Variants in SNAPIN observed in about 807,000 individuals in gnomAD.
SNAPIN encodes the protein SNARE-associated protein Snapin.
Under a neutral mutation model 15.9 loss-of-function variants are expected in SNAPIN, and 16 were observed. The observed-to-expected ratio is 1.01, with a 90% CI of 0.68 to 1.53. The LOEUF (loss-of-function observed/expected upper bound fraction) is 1.53. Ranked by LOEUF, SNAPIN falls within the 40% of genes most tolerant of loss-of-function variation. The pLI is 0.00. For synonymous variants in SNAPIN, 83 were observed against 76.2 expected, an observed-to-expected ratio of 1.09 and a Z score of -0.46; for missense variants, 186 against 180.1, an observed-to-expected ratio of 1.03 and a Z score of -0.19.
In SNAPIN at chr1:153,659,175, C is replaced by G; in HGVS notation, c.181C>G (p.Leu61Val). Residue 61 changes from leucine to valine, a missense_variant, in exon 2 of 4, where the codon CTA (leucine) becomes GTA (valine). Coordinates refer to ENST00000368685, the MANE Select transcript of SNAPIN (RefSeq NM_012437.6). The part of the protein sequence containing the change: ...QVELREQIDN[L>V]ATELCRINED... ...AGAGCTCCGGGAACAAATTGACAAC[C>G]TAGCCACAGGTGAGTGAGCATCCCT... 11 of 1,614,024 alleles carry G rather than the reference C, an allele frequency of 6.8e-6. No individual in the cohort carries two copies. Among genetic ancestry groups the G allele is most frequent in the Non-Finnish European group, 9.3e-6 (11 of 1,179,980 alleles).
chr1:153,658,748 C>T lies in SNAPIN; in HGVS notation c.5C>T (p.Ala2Val), dbSNP rs755911292. 4 of 1,559,734 alleles carry T rather than the reference C, an allele frequency of 2.6e-6. No individual in the cohort carries two copies. The highest frequency in any genetic ancestry group is 2.8e-5 in the African/African-American group (2 of 71,868). ...CGGGCTTCAGGACAATTCGTGATGG[C>T]GGGGGCTGGTTCCGCCGCTGTATCG... M[A>V]GAGSAAVSGA... Residue 2 changes from alanine (A) to valine (V), a missense_variant, in exon 1 of 4, where the codon GCG becomes GTG. By Grantham distance (64) the Ala-to-Val change is moderately conservative. Coordinates refer to ENST00000368685, the MANE Select transcript of SNAPIN (RefSeq NM_012437.6).
chr1:153,661,547 G>T lies in SNAPIN; in HGVS notation c.*246G>T. On this transcript the variant is annotated 3_prime_UTR_variant, in exon 4 of 4. Transcript: ENST00000368685. ...GGCTCTTGCTTCCTTTCACAAATGA[G>T]CTGAGGCCTCTACTTTTTTTTTTAA... 6.2e-6 allele frequency: 2 copies of T among 322,212 alleles called. No homozygotes were observed. The highest frequency in any genetic ancestry group is 2.1e-5 in the African/African-American group (1 of 47,854). The allele number at this position is 322,212 out of a possible 1,614,324, so 20.0% of individuals were successfully genotyped here. A position where few individuals can be genotyped will look rare whatever the true frequency, so the allele number is the denominator to read the frequency against.
chr1:153,659,431 C>T lies in SNAPIN; in HGVS notation c.191-17C>T. On this transcript the variant is annotated splice_polypyrimidine_tract_variant and intron_variant, in intron 2 of 3. Transcript: ENST00000368685. The stretch of plus-strand genomic sequence containing the variant: ...ATAAGCCGTTAGATCTTAGCTGCAC[C>T]TTACTTCCATCCCCAGAACTGTGCC... The T allele has an allele frequency of 2.5e-6, 4 of 1,592,696 alleles. No individual in the cohort carries two copies. The highest frequency in any genetic ancestry group is 3.4e-6 in the Non-Finnish European group (4 of 1,160,582).
At chr1:153,658,952 G>A in intron 1 of SNAPIN, 66 bp downstream of exon 1, 2 of 1,598,946 alleles carry the variant, frequency 1.3e-6, no homozygotes, top group South Asian at 2.2e-5. Flanking sequence ...GGCCAAGAAA[G>A]TGTTCTGGCT....
intron 3 of SNAPIN, 152 bp downstream of exon 3, chr1:153,659,718 C>T (rs1669100632): frequency 1.6e-6 from 1 of 635,180 alleles, no homozygotes; most frequent in Non-Finnish European, 2.8e-6. Context: ...GTCTCATTCT[C>T]ACTATTCAGT....
intron 3 of SNAPIN, among the ~76,000 whole-genome samples, chr1:153,660,651 G>GGA (rs1195726482): frequency 4.1e-4 from 46 of 112,538 alleles, no homozygotes; most frequent in Admixed American, 8.8e-4. Context: ...TCCGTCTCGG[G>GGA]AAAAAAAAAA....
At chr1:153,659,071 C>T in intron 1 of SNAPIN, 67 bp from the exon 2 acceptor site, 1 of 1,579,668 alleles carries the variant, frequency 6.3e-7, no homozygotes, top group Non-Finnish European at 8.7e-7. Flanking sequence ...TTGGTAAATA[C>T]GTAGGGGAGT....
In SNAPIN at chr1:153,661,370, A is replaced by G; in HGVS notation, c.*69A>G. On this transcript the variant is annotated 3_prime_UTR_variant, in exon 4 of 4. Transcript: ENST00000368685. ...CTGCCTTGTTTCAACAGACATGCAA[A>G]GATCCTAGGAGACAGTCCCCATAGA... 8.6e-7 allele frequency: 1 copy of G among 1,165,620 alleles called. No homozygotes were observed. Among genetic ancestry groups the G allele is most frequent in the Non-Finnish European group, 1.3e-6 (1 of 786,400 alleles). The allele number at this position is 1,165,620 out of a possible 1,614,324, so 72.2% of individuals were successfully genotyped here. A position where few individuals can be genotyped will look rare whatever the true frequency, so the allele number is the denominator to read the frequency against.
At position 153,659,489 on chromosome 1, in the gene SNAPIN, C is replaced by G. The variant is rs1362167344; in HGVS notation, c.232C>G (p.Leu78Val). Residue 78 changes from leucine (L) to valine (V), a missense_variant, in exon 3 of 4, where the codon CTT becomes GTT. By Grantham distance (32) the Leu-to-Val change is conservative (BLOSUM62 1). Coordinates refer to ENST00000368685, the MANE Select transcript of SNAPIN (RefSeq NM_012437.6). ...INEDQKVALD[L>V]DPYVKKLLNA... ...TGAGGATCAGAAGGTGGCCCTGGAT[C>G]TTGACCCCTATGTTAAGAAGCTACT... The G allele has an allele frequency of 1.9e-6, 3 of 1,614,042 alleles. No homozygotes were observed. The highest frequency in any genetic ancestry group is 2.7e-5 in the African/African-American group (2 of 74,908).
In SNAPIN at chr1:153,661,528, T is replaced by A. The variant is rs1342065202; in HGVS notation, c.*227T>A. 1 of 364,588 alleles carries A rather than the reference T, an allele frequency of 2.7e-6. No individual in the cohort carries two copies. Among genetic ancestry groups the A allele is most frequent in the Non-Finnish European group, 5.2e-6 (1 of 193,368 alleles). The allele number at this position is 364,588 out of a possible 1,614,324, so 22.6% of individuals were successfully genotyped here. A position where few individuals can be genotyped will look rare whatever the true frequency, so the allele number is the denominator to read the frequency against. ...AAGGACTTACATTAATTATGGCTCT[T>A]GCTTCCTTTCACAAATGAGCTGAGG... On this transcript the variant is annotated 3_prime_UTR_variant, in exon 4 of 4. Coordinates refer to ENST00000368685, the MANE Select transcript of SNAPIN (RefSeq NM_012437.6).
intron 3 of SNAPIN, among the ~76,000 whole-genome samples, chr1:153,660,930 G>T (rs1669139146): frequency 6.6e-6 from 1 of 151,920 alleles, no homozygotes; most frequent in Admixed American, 6.6e-5. Flanking sequence ...ACCATGCCCA[G>T]CTAATTTTTT....
In SNAPIN at chr1:153,659,496, C is replaced by T; in HGVS notation, c.239C>T (p.Pro80Leu). Reference sequence around the variant, plus strand: ...CAGAAGGTGGCCCTGGATCTTGACCCCTATGTTAAGAAGCTACTTAATGCC... The same window carrying T: ...CAGAAGGTGGCCCTGGATCTTGACCTCTATGTTAAGAAGCTACTTAATGCC... ...EDQKVALDLD[P>L]YVKKLLNARR... The change falls in exon 3 of 4, where the codon CCC becomes CTC. Residue 80 changes from proline to leucine, a missense_variant. Coordinates refer to ENST00000368685, the MANE Select transcript of SNAPIN (RefSeq NM_012437.6). 1 of 1,614,076 alleles carries T rather than the reference C, an allele frequency of 6.2e-7. No homozygotes were observed. The highest frequency in any genetic ancestry group is 8.5e-7 in the Non-Finnish European group (1 of 1,180,000).
intron 3 of SNAPIN, among the ~76,000 whole-genome samples, chr1:153,660,020 C>T (rs1669107545): frequency 6.6e-6 from 1 of 151,998 alleles, no homozygotes; most frequent in Admixed American, 6.6e-5. Context: ...CAGGAGTGAA[C>T]CACCACACCT....
chr1:153,659,767 T>C (rs1243692670), intron 3 of SNAPIN, among the ~76,000 whole-genome samples: 2 of 152,200 alleles, frequency 1.3e-5, no homozygotes, highest in East Asian at 3.8e-4. Flanking sequence ...TGTGTGACAG[T>C]CTCCCTCTGT....
At chr1:153,660,257 G>A (rs992508067) in intron 3 of SNAPIN, among the ~76,000 whole-genome samples, 2 of 151,582 alleles carry the variant, frequency 1.3e-5, no homozygotes, top group Non-Finnish European at 2.9e-5. Context: ...TCCTGCATGC[G>A]AGTGATCCAC....
chr1:153,660,651 G>GAA (rs936959398), intron 3 of SNAPIN, among the ~76,000 whole-genome samples: 1,350 of 112,304 alleles, frequency 0.012, 34 homozygotes, highest in African/African-American at 0.043. Context: ...TCCGTCTCGG[G>GAA]AAAAAAAAAA....
At position 153,661,381 on chromosome 1, in the gene SNAPIN, GAC is replaced by G. The variant is rs1669157779; in HGVS notation, c.*82_*83del. The G allele has an allele frequency of 5.6e-6, 6 of 1,078,780 alleles. No homozygotes were observed. The highest frequency in any genetic ancestry group is 8.4e-6 in the Non-Finnish European group (6 of 711,988). 66.8% of individuals were successfully genotyped at this position (1,078,780 alleles called of 1,614,324 possible). A position where few individuals can be genotyped will look rare whatever the true frequency, so the allele number is the denominator to read the frequency against. On this transcript the variant is annotated 3_prime_UTR_variant, in exon 4 of 4. Coordinates refer to ENST00000368685, the MANE Select transcript of SNAPIN (RefSeq NM_012437.6). Reference sequence around the variant, plus strand: ...CAACAGACATGCAAAGATCCTAGGAGACAGTCCCCATAGACCTTCAGACATTA... The same window carrying G: ...CAACAGACATGCAAAGATCCTAGGAGAGTCCCCATAGACCTTCAGACATTA...
At chr1:153,660,704 T>TCTCAAA in intron 3 of SNAPIN, among the ~76,000 whole-genome samples, 1 of 150,016 alleles carries the variant, frequency 6.7e-6, no homozygotes, top group East Asian at 2.0e-4. Flanking sequence ...CCCAGGCTGT[T>TCTCAAA]CTCAAACTGG....
At chr1:153,661,077 TTATA>T in intron 3 of SNAPIN, 119 bp from the exon 4 acceptor site, 4 of 691,314 alleles carry the variant, frequency 5.8e-6, no homozygotes, top group Admixed American at 2.4e-5. Flanking sequence ...GCCTACATTC[TTATA>T]TATACTTTTG....
Sources: allele counts gnomAD v4.1 joint callset (sites outside exome capture counted in the v4.1 genomes callset), GRCh38; gene constraint gnomAD v4.1.1; transcripts MANE v1.5; gene names NCBI Gene and HGNC (gene_info 2026-07-23, HGNC 2026-07-21).